Variants in CALN1 observed in about 807,000 individuals in gnomAD.
CALN1 encodes calcium-binding protein 8.
CALN1 carries 17 observed loss-of-function variants against 30.6 expected under a neutral mutation model. The observed-to-expected ratio is 0.56, with a 90% CI of 0.38 to 0.83. CALN1 has a LOEUF of 0.83. Among genes scored for constraint, CALN1 ranks in the 40% least tolerant of loss-of-function variants. The probability of loss-of-function intolerance (pLI) is 0.00; values close to 1 mark genes in which losing one functional copy is unlikely to be tolerated. For synonymous variants in CALN1, 156 were observed against 131.4 expected, an observed-to-expected ratio of 1.19 and a Z score of -1.28; for missense variants, 291 against 354.9, an observed-to-expected ratio of 0.82 and a Z score of 1.45.
chr7:72,144,845 AAAC>A (rs1214753531), intron 3 of CALN1, among the ~76,000 whole-genome samples: 2 of 152,250 alleles, frequency 1.3e-5, no homozygotes, highest in Admixed American at 6.5e-5. Flanking sequence ...AACTACACGG[AAAC>A]AACAACCTGC....
In CALN1 at chr7:71,846,834, C is replaced by CAT. The variant is rs200199028; in HGVS notation, c.502-36344_502-36343dup. On this transcript the variant is annotated intron_variant, in intron 5 of 6. Transcript: ENST00000395275. ...ATATATACATAAATATGTGTATATACATGTGTATATATTATATATGTATAT... is the reference window on the plus strand; with the variant it reads ...ATATATACATAAATATGTGTATATACATATGTGTATATATTATATATGTATAT... Among the ~76,000 whole-genome samples, 41 of 76,956 alleles carry CAT rather than the reference C, an allele frequency of 5.3e-4. 1 individual carries two copies. In the East Asian group the frequency reaches 0.026, roughly 49 times the overall value. The allele number at this position is 76,956 out of a possible 152,430, so 50.5% of individuals were successfully genotyped here.
In CALN1 at chr7:72,012,831, C is replaced by T. The variant is rs569934249; in HGVS notation, c.501+10826G>A. 4.1e-4 allele frequency among the ~76,000 whole-genome samples: 63 copies of T among 152,174 alleles called. 2 individuals carry two copies. The South Asian group carries it at 0.011, about 26-fold the overall frequency. Reference sequence around the variant, plus strand: ...TTGATTTTGAGACAGAGTCCCCTTCCGTCACCCAGGCTGGAGTGCAAGGGC... The same window carrying T: ...TTGATTTTGAGACAGAGTCCCCTTCTGTCACCCAGGCTGGAGTGCAAGGGC... On this transcript the variant is annotated intron_variant, in intron 5 of 6. Coordinates refer to ENST00000395275, the MANE Select transcript of CALN1 (RefSeq NM_031468.4).
intron 6 of CALN1, among the ~76,000 whole-genome samples, chr7:71,804,676 G>A (rs535106991): frequency 5.3e-5 from 8 of 151,880 alleles, no homozygotes; most frequent in Non-Finnish European, 8.8e-5. Flanking sequence ...AAAATGAGCC[G>A]GGTGCGGTGG....
intron 1 of CALN1, among the ~76,000 whole-genome samples, chr7:72,423,706 A>T (rs1807693184): frequency 6.6e-6 from 1 of 152,006 alleles, no homozygotes; most frequent in Non-Finnish European, 1.5e-5. Context: ...AATCCCAGCC[A>T]CTTGGGAGGC....
intron 1 of CALN1, among the ~76,000 whole-genome samples, chr7:72,438,873 G>T (rs1808259047): frequency 6.6e-6 from 1 of 152,110 alleles, no homozygotes; most frequent in Non-Finnish European, 1.5e-5. Flanking sequence ...ATATAAATTT[G>T]CATGCTATCC....
At chr7:72,299,188 A>C (rs1799076623) in intron 2 of CALN1, among the ~76,000 whole-genome samples, 1 of 152,154 alleles carries the variant, frequency 6.6e-6, no homozygotes, top group African/African-American at 2.4e-5. Flanking sequence ...TAATCAGTAA[A>C]GTATAATTTC....
intron 5 of CALN1, among the ~76,000 whole-genome samples, chr7:71,987,169 C>T (rs1211968247): frequency 2.0e-5 from 3 of 151,590 alleles, no homozygotes; most frequent in Admixed American, 1.3e-4. Context: ...CACAGGCCTG[C>T]CAGAATTTTC....
intron 5 of CALN1, among the ~76,000 whole-genome samples, chr7:71,891,190 G>C (rs1177774818): frequency 6.6e-6 from 1 of 152,116 alleles, no homozygotes; most frequent in Non-Finnish European, 1.5e-5. Flanking sequence ...TGTGTTCTTA[G>C]TTTGTTTCGA....
chr7:72,205,566 ATG>A lies in CALN1; in HGVS notation c.244+73118_244+73119del, dbSNP rs1554319649. Reference sequence around the variant, plus strand: ...GCAAAAAAAAAATATATATATATATATGTATATATATATATATATATTCAGGA... The same window carrying A: ...GCAAAAAAAAAATATATATATATATATATATATATATATATATATTCAGGA... On this transcript the variant is annotated intron_variant, in intron 3 of 6. Coordinates refer to ENST00000395275, the MANE Select transcript of CALN1 (RefSeq NM_031468.4). Among the ~76,000 whole-genome samples the A allele has an allele frequency of 1.4e-3, 163 of 115,570 alleles. 31 individuals carry two copies. In the South Asian group the frequency reaches 0.014, roughly 10 times the overall value. The allele number at this position is 115,570 out of a possible 152,430, so 75.8% of individuals were successfully genotyped here.
chr7:72,347,560 C>T (rs1284263374), intron 2 of CALN1, among the ~76,000 whole-genome samples: 1 of 152,112 alleles, frequency 6.6e-6, no homozygotes, highest in African/African-American at 2.4e-5. Flanking sequence ...GCCACCAAGC[C>T]CGGCCAAGAC....
At chr7:72,239,030 A>C (rs1219443503) in intron 3 of CALN1, among the ~76,000 whole-genome samples, 1 of 152,166 alleles carries the variant, frequency 6.6e-6, no homozygotes, top group African/African-American at 2.4e-5. Context: ...CTTCACACTA[A>C]TCTGTGCCTT....
At chr7:72,251,795 C>T (rs1795580914) in intron 3 of CALN1, among the ~76,000 whole-genome samples, 2 of 152,066 alleles carry the variant, frequency 1.3e-5, no homozygotes, top group South Asian at 4.2e-4. Context: ...GTATCAATGT[C>T]AATATCCTGG....
At chr7:72,313,469 G>A (rs946776085) in intron 2 of CALN1, among the ~76,000 whole-genome samples, 3 of 151,992 alleles carry the variant, frequency 2.0e-5, no homozygotes, top group African/African-American at 7.2e-5. Flanking sequence ...TCAGCTCACC[G>A]CAACCTATGG....
intron 3 of CALN1, among the ~76,000 whole-genome samples, chr7:72,121,865 TTA>T (rs1329646004): frequency 6.8e-6 from 1 of 147,552 alleles, no homozygotes; most frequent in African/African-American, 2.5e-5. Flanking sequence ...TATTATATAA[TTA>T]TATATTAATT....
intron 5 of CALN1, among the ~76,000 whole-genome samples, chr7:71,961,779 C>A (rs1004562438): frequency 6.6e-6 from 1 of 152,084 alleles, no homozygotes; most frequent in African/African-American, 2.4e-5. Flanking sequence ...TCAAGGGCAG[C>A]AGAAGAGAGA....
chr7:71,862,404 T>C (rs1271543833), intron 5 of CALN1, among the ~76,000 whole-genome samples: 2 of 152,176 alleles, frequency 1.3e-5, no homozygotes, highest in East Asian at 1.9e-4. Context: ...GCTGTTCTCA[T>C]GATAGTGAAT....
At chr7:72,262,789 A>T (rs1396723020) in intron 3 of CALN1, among the ~76,000 whole-genome samples, 1 of 152,174 alleles carries the variant, frequency 6.6e-6, no homozygotes, top group Non-Finnish European at 1.5e-5. Flanking sequence ...GGAAACTATT[A>T]TTGGTTCCTC....
intron 4 of CALN1, among the ~76,000 whole-genome samples, chr7:72,064,557 T>C (rs918740388): frequency 3.9e-5 from 6 of 152,296 alleles, no homozygotes; most frequent in Non-Finnish European, 5.9e-5. Flanking sequence ...GCTATCCTGA[T>C]ATAACCCCAG....
chr7:72,473,468 G>A, the CALN1 span, among the ~76,000 whole-genome samples: 1 of 152,122 alleles, frequency 6.6e-6, no homozygotes, highest in South Asian at 2.1e-4. Flanking sequence ...CCTCTTCAAC[G>A]AGATTTTTGG....
Sources: gnomAD v4.1 joint callset for allele counts (sites outside exome capture counted in the v4.1 genomes callset) on GRCh38, gnomAD v4.1.1 for gene constraint, MANE v1.5 for transcripts, NCBI Gene and HGNC (gene_info 2026-07-23, HGNC 2026-07-21) for gene names.